CHAT: variants seen among roughly 807,000 people sequenced by gnomAD.
The protein encoded by CHAT is acetyl CoA:choline O-acetyltransferase.
CHAT carries 61 observed loss-of-function variants against 76.9 expected under a neutral mutation model. The ratio of observed to expected loss-of-function variants is 0.79; its 90% CI spans 0.65 to 0.98. The LOEUF (loss-of-function observed/expected upper bound fraction) is 0.98. Ranked by LOEUF, CHAT falls within the 50% of genes least tolerant of loss-of-function variation. The pLI, the probability that CHAT is intolerant of heterozygous loss-of-function variation, is 0.00. For synonymous variants in CHAT, 407 were observed against 397.4 expected (o/e 1.02, Z -0.29); for missense variants, 946 against 986.9 (o/e 0.96, Z 0.56).
chr10:49,620,518 C>T lies in CHAT; in HGVS notation c.603C>T (p.Asp201=). 2 of 1,613,612 alleles carry T rather than the reference C, an allele frequency of 1.2e-6. No individual in the cohort carries two copies. Among genetic ancestry groups the T allele is most frequent in the Non-Finnish European group, 8.5e-7 (1 of 1,179,666 alleles). Residue 201 remains aspartate (D), a synonymous_variant, in exon 4 of 15, where the codon GAC becomes GAT. Coordinates refer to ENST00000337653, the MANE Select transcript of CHAT (RefSeq NM_020549.5). ...AGGTGTCTGAGTACTGGCTGAATGA[C>T]ATGTATCTCAACAACCGCCTGGCCC... The part of the protein sequence containing the change: ...ANWVSEYWLN[D]MYLNNRLALP...
chr10:49,611,224 A>C (rs1403407712), upstream of CHAT: 2 of 1,613,930 alleles, frequency 1.2e-6, no homozygotes, highest in Non-Finnish European at 8.5e-7. Flanking sequence ...CCTGGGCGTC[A>C]TGTTCGCCTC....
upstream of CHAT, chr10:49,610,781 C>T (rs199520651): frequency 7.4e-5 from 116 of 1,570,614 alleles, 1 homozygote; most frequent in East Asian, 2.5e-3. Context: ...CGGGCGGCGG[C>T]CACCAAGCTG....
At chr10:49,616,053 A>G in intron 1 of CHAT, 2 of 1,613,904 alleles carry the variant, frequency 1.2e-6, no homozygotes, top group Middle Eastern at 1.7e-4. Flanking sequence ...CACACCAGAG[A>G]TGTGGCCGGA....
At position 49,619,602 on chromosome 10, in the gene CHAT, T is replaced by A; in HGVS notation, c.388-123T>A. 3 of 945,508 alleles carry A rather than the reference T, an allele frequency of 3.2e-6. No individual in the cohort carries two copies. The South Asian group carries it at 4.2e-5, about 13-fold the overall frequency. The allele number at this position is 945,508 out of a possible 1,614,324, so 58.6% of individuals were successfully genotyped here. ...ATTTTGCTGAGCTGAGCCCTAGAAA[T>A]GGAGGGGTCCCAGGGTAGAGAACAA... On this transcript the variant is annotated intron_variant, in intron 2 of 14. Coordinates refer to ENST00000337653, the MANE Select transcript of CHAT (RefSeq NM_020549.5).
intron 14 of CHAT, among the ~76,000 whole-genome samples, chr10:49,663,784 G>A (rs1840271354): frequency 6.6e-6 from 1 of 152,220 alleles, no homozygotes. Flanking sequence ...TTATGGCAGT[G>A]AGCATGCAGA....
chr10:49,656,283 GTTTTT>G (rs566849400), intron 13 of CHAT, among the ~76,000 whole-genome samples: 1 of 121,298 alleles, frequency 8.2e-6, no homozygotes, highest in African/African-American at 3.2e-5. Context: ...TATTCAGTGG[GTTTTT>G]TTTTTTTTTT....
rs1839093040 is a variant in CHAT at position 49,630,823 on chromosome 10, G to C, written c.1111+3038G>C. ...GCTTGGGCCTGAGGCAGCAGAGGTA[G>C]GAGCATGCAGAGGCTCCCAACTGGT... On this transcript the variant is annotated intron_variant, in intron 7 of 14. Coordinates refer to ENST00000337653, the MANE Select transcript of CHAT (RefSeq NM_020549.5). Among the ~76,000 whole-genome samples the C allele has an allele frequency of 3.9e-5, 6 of 152,304 alleles. No homozygotes were observed. In the South Asian group the frequency reaches 1.2e-3, roughly 32 times the overall value.
intron 7 of CHAT, among the ~76,000 whole-genome samples, chr10:49,641,344 T>G (rs1407822574): frequency 6.6e-6 from 1 of 151,510 alleles, no homozygotes; most frequent in African/African-American, 2.4e-5. Context: ...TGGTCTGCCT[T>G]CCTCTCGCCA....
intron 7 of CHAT, among the ~76,000 whole-genome samples, chr10:49,638,593 T>C (rs1174137532): frequency 6.6e-6 from 1 of 152,250 alleles, no homozygotes; most frequent in East Asian, 1.9e-4. Flanking sequence ...AATTATCTGT[T>C]TGTATAGCTT....
At chr10:49,611,205 G>A, upstream of CHAT, 1 of 1,614,088 alleles carries the variant, frequency 6.2e-7, no homozygotes, top group Non-Finnish European at 8.5e-7. Context: ...ACGTGCCGCT[G>A]CTGATCGGCC....
At chr10:49,660,963 T>C (rs1564496772) in intron 13 of CHAT, among the ~76,000 whole-genome samples, 1 of 152,220 alleles carries the variant, frequency 6.6e-6, no homozygotes, top group Non-Finnish European at 1.5e-5. Flanking sequence ...CCCCATCACT[T>C]ACTCTCCCAC....
chr10:49,613,626 G>C (rs894460655), upstream of CHAT, among the ~76,000 whole-genome samples: 2 of 152,144 alleles, frequency 1.3e-5, no homozygotes, highest in Non-Finnish European at 2.9e-5. Flanking sequence ...GTGCCTGGGC[G>C]GAGTCTGCCT....
intron 7 of CHAT, among the ~76,000 whole-genome samples, chr10:49,639,048 A>C (rs1839388269): frequency 6.6e-6 from 1 of 152,166 alleles, no homozygotes; most frequent in African/African-American, 2.4e-5. Flanking sequence ...AGCCTGGCCA[A>C]GTAGAGACAA....
intron 4 of CHAT, 128 bp from the exon 5 acceptor site, chr10:49,621,969 A>G: frequency 4.3e-6 from 4 of 926,546 alleles, no homozygotes; most frequent in African/African-American, 1.6e-5. Context: ...GGGAGGAGGG[A>G]GGGAGAAGGG....
At chr10:49,621,141 G>A (rs1276925534) in intron 4 of CHAT, among the ~76,000 whole-genome samples, 1 of 152,242 alleles carries the variant, frequency 6.6e-6, no homozygotes, top group Non-Finnish European at 1.5e-5. Context: ...TGGAGGATGG[G>A]TGCAGGGAGA....
intron 7 of CHAT, among the ~76,000 whole-genome samples, chr10:49,642,999 C>A (rs1839537253): frequency 6.6e-6 from 1 of 152,218 alleles, no homozygotes; most frequent in South Asian, 2.1e-4. Context: ...TGAACCTGAG[C>A]ACTGGGGTTG....
At chr10:49,610,988 C>T, upstream of CHAT, 3 of 1,612,300 alleles carry the variant, frequency 1.9e-6, no homozygotes, top group Non-Finnish European at 2.5e-6. Flanking sequence ...CCCACCCTGC[C>T]GCTGCCCACT....
At chr10:49,646,750 C>A in intron 8 of CHAT, 76 bp downstream of exon 8, 1 of 1,522,048 alleles carries the variant, frequency 6.6e-7, no homozygotes, top group Non-Finnish European at 9.0e-7. Context: ...CGGGCACAGC[C>A]TGGTGCCCAG....
chr10:49,637,652 A>T (rs775117442), intron 7 of CHAT: 1 of 152,522 alleles, frequency 6.6e-6, no homozygotes, highest in Admixed American at 6.5e-5. Context: ...GCCACGTGAA[A>T]CTGTGAGTAA....
Sources: gnomAD v4.1 joint callset for allele counts (sites outside exome capture counted in the v4.1 genomes callset) on GRCh38, gnomAD v4.1.1 for gene constraint, MANE v1.5 for transcripts, NCBI Gene and HGNC (gene_info 2026-07-23, HGNC 2026-07-21) for gene names.